FHIP2A: variants seen among roughly 807,000 people sequenced by gnomAD.
FHIP2A encodes family with sequence similarity 160 member B1.
A neutral mutation model predicts 93.5 loss-of-function variants in FHIP2A; 46 were observed. That is an observed-to-expected ratio of 0.49 (90% CI 0.39 to 0.63). The LOEUF (loss-of-function observed/expected upper bound fraction) is 0.63. FHIP2A is among the 20% of genes least tolerant of loss of function. The probability of loss-of-function intolerance (pLI) is 0.00; values close to 1 mark genes in which losing one functional copy is unlikely to be tolerated. For missense variants in FHIP2A, 769 were observed against 909.7 expected, an observed-to-expected ratio of 0.85 and a Z score of 1.99; for synonymous variants, 332 against 326.5, an observed-to-expected ratio of 1.02 and a Z score of -0.18.
In FHIP2A at chr10:114,850,270, C is replaced by T. The variant is rs7903573; in HGVS notation, c.1803+1533C>T. On this transcript the variant is annotated intron_variant, in intron 13 of 16. Transcript: ENST00000369248. ...TTCACCATTTCCTTGCCAATACTTA[C>T]CATTATTCTTTTTAAATTTTAGCTA... Among the ~76,000 whole-genome samples, 1,027 of 152,248 alleles carry T rather than the reference C, an allele frequency of 6.7e-3. 16 individuals carry two copies. Among genetic ancestry groups the T allele is most frequent in the African/African-American group, 0.024 (990 of 41,548 alleles).
chr10:114,843,713 A>G (rs758822060), intron 6 of FHIP2A, 28 bp from the exon 7 acceptor site: 1 of 1,473,714 alleles, frequency 6.8e-7, no homozygotes, highest in Admixed American at 2.6e-5. Flanking sequence ...CAATTCAAGA[A>G]TTGAAGGGGG....
chr10:114,894,174 T>C (rs2083989152), intron 16 of FHIP2A, among the ~76,000 whole-genome samples: 1 of 152,122 alleles, frequency 6.6e-6, no homozygotes, highest in Non-Finnish European at 1.5e-5. Flanking sequence ...GATAACAGGC[T>C]ATGACATTAA....
rs75444726 is a variant in FHIP2A at position 114,885,555 on chromosome 10, G to C, written c.2193-13935G>C. 6.7e-3 allele frequency among the ~76,000 whole-genome samples: 1,013 copies of C among 152,230 alleles called. 12 individuals are homozygous for C. Among genetic ancestry groups the C allele is most frequent in the African/African-American group, 0.023 (968 of 41,546 alleles). ...GTTTTTGGTGGTGTGCCAGGTTTTT[G>C]ACACTAAACATTTTTATGCCAACTT... is the stretch of plus-strand genomic sequence containing the variant. On this transcript the variant is annotated intron_variant, in intron 16 of 16. Transcript: ENST00000369250.
chr10:114,854,066 A>G (rs1488846951), intron 13 of FHIP2A, among the ~76,000 whole-genome samples: 1 of 151,934 alleles, frequency 6.6e-6, no homozygotes, highest in African/African-American at 2.4e-5. Flanking sequence ...CATTTTTATT[A>G]TATGAAATAA....
intron 14 of FHIP2A, among the ~76,000 whole-genome samples, chr10:114,858,985 C>CA (rs1346814509): frequency 6.6e-6 from 1 of 151,660 alleles, no homozygotes; most frequent in African/African-American, 2.4e-5. Flanking sequence ...ATGGACCCCC[C>CA]CCAAAATAGG....
chr10:114,887,365 C>T (rs1470590669), intron 16 of FHIP2A, among the ~76,000 whole-genome samples: 2 of 152,240 alleles, frequency 1.3e-5, no homozygotes, highest in South Asian at 2.1e-4. Flanking sequence ...AAGCTCCTTA[C>T]ATTTTTATGA....
At chr10:114,823,537 C>T (rs950384889) in intron 1 of FHIP2A, among the ~76,000 whole-genome samples, 20 of 151,912 alleles carry the variant, frequency 1.3e-4, no homozygotes, top group African/African-American at 4.8e-4. Flanking sequence ...TTCTGTCACC[C>T]AGGTTGGAGT....
At chr10:114,883,745 A>T (rs761078944) in intron 16 of FHIP2A, among the ~76,000 whole-genome samples, 1 of 151,948 alleles carries the variant, frequency 6.6e-6, no homozygotes, top group African/African-American at 2.4e-5. Context: ...CCCCTGGCTA[A>T]TTTTTTGTGT....
Position 114,848,721 on chromosome 10 carries a change from G to T in FHIP2A, c.1787G>T (p.Arg596Leu). Residue 596 changes from arginine (R) to leucine (L), a missense_variant, in exon 13 of 17, where the codon CGA (arginine) becomes CTA (leucine). Physicochemically the swap from Arg to Leu is moderately radical, Grantham distance 102 (BLOSUM62 -2). Transcript: ENST00000369248. ...VEGTGYDTYL[R>L]DAHRQFRDYC... ...GGCACAGGATATGACACTTACCTCCGAGACGCTCATAGGCAGGTAGGTGAA... is the reference window on the plus strand; with the variant it reads ...GGCACAGGATATGACACTTACCTCCTAGACGCTCATAGGCAGGTAGGTGAA... 6.2e-7 allele frequency: 1 copy of T among 1,611,664 alleles called. No homozygotes were observed. Among genetic ancestry groups the T allele is most frequent in the South Asian group, 1.1e-5 (1 of 90,958 alleles).
chr10:114,848,794 C>A, intron 13 of FHIP2A, 57 bp downstream of exon 13: 1 of 1,056,102 alleles, frequency 9.5e-7, no homozygotes, highest in Non-Finnish European at 1.5e-6. Flanking sequence ...CATGCACACC[C>A]CTTGTCACAC....
intron 1 of FHIP2A, among the ~76,000 whole-genome samples, chr10:114,823,969 C>G (rs2083558884): frequency 6.6e-6 from 1 of 152,072 alleles, no homozygotes; most frequent in Non-Finnish European, 1.5e-5. Context: ...CTGCAGAGTT[C>G]CAAAAAGCAA....
Position 114,862,883 on chromosome 10 carries a change from A to AC in FHIP2A, c.*1348dup. ...TTCCGGCTTGAAGGGAACTGTCACT[A>AC]CCCCCTCTAGGAAGTTATTTTATGT... is the stretch of plus-strand genomic sequence containing the variant. On this transcript the variant is annotated 3_prime_UTR_variant, in exon 17 of 17. Coordinates refer to ENST00000369248, the MANE Select transcript of FHIP2A (RefSeq NM_020940.4). The AC allele has an allele frequency of 1.0e-6, 1 of 985,036 alleles. No homozygotes were observed. Among genetic ancestry groups the AC allele is most frequent in the Non-Finnish European group, 1.2e-6 (1 of 829,854 alleles). The allele number at this position is 985,036 out of a possible 1,614,324, so 61.0% of individuals were successfully genotyped here.
chr10:114,892,643 A>G (rs1291094638), intron 16 of FHIP2A, among the ~76,000 whole-genome samples: 1 of 151,972 alleles, frequency 6.6e-6, no homozygotes, highest in African/African-American at 2.4e-5. Context: ...GTCTCAAAAT[A>G]ATAATAATAA....
chr10:114,897,820 G>T (rs1488929602), intron 16 of FHIP2A, among the ~76,000 whole-genome samples: 3 of 152,132 alleles, frequency 2.0e-5, no homozygotes, highest in African/African-American at 7.2e-5. Flanking sequence ...GAGGTGGGAG[G>T]ATTGATTGAG....
intron 13 of FHIP2A, 27 bp downstream of exon 13, chr10:114,848,764 A>T (rs1380149544): frequency 6.7e-7 from 1 of 1,483,400 alleles, no homozygotes; most frequent in Admixed American, 1.7e-5. Flanking sequence ...AATGTTGGAA[A>T]TGAAATCTAA....
In FHIP2A at chr10:114,863,648, G is replaced by A. The variant is rs973018823; in HGVS notation, c.*2108G>A. ...TCCCTTCTTTTTTCTTTTATATTTA[G>A]TTCAGACCTAGAGCCAGTAGAAGCT... On this transcript the variant is annotated 3_prime_UTR_variant, in exon 17 of 17. Coordinates refer to ENST00000369248, the MANE Select transcript of FHIP2A (RefSeq NM_020940.4). 1.5e-6 allele frequency: 2 copies of A among 1,295,000 alleles called. No individual in the cohort carries two copies. The highest frequency in any genetic ancestry group is 1.5e-5 in the African/African-American group (1 of 65,424). The allele number at this position is 1,295,000 out of a possible 1,614,324, so 80.2% of individuals were successfully genotyped here.
In FHIP2A at chr10:114,845,434, C is replaced by A. The variant is rs897451405; in HGVS notation, c.1081C>A (p.Leu361Ile). The A allele has an allele frequency of 3.7e-6, 6 of 1,613,396 alleles. No individual in the cohort carries two copies. Among genetic ancestry groups the A allele is most frequent in the African/African-American group, 1.3e-5 (1 of 74,914 alleles). ...FPGKRALISF[L>I]SWFDYCDQLI... ...AGGAAAACGAGCCTTAATTTCATTT[C>A]TTTCCTGGTTTGATTATTGTGATCA... Residue 361 changes from leucine (L) to isoleucine (I), a missense_variant, in exon 8 of 17, where the codon CTT becomes ATT. By Grantham distance (5) the Leu-to-Ile change is conservative (BLOSUM62 2). Coordinates refer to ENST00000369248, the MANE Select transcript of FHIP2A (RefSeq NM_020940.4).
At chr10:114,837,459 G>C (rs2083642636) in intron 5 of FHIP2A, among the ~76,000 whole-genome samples, 1 of 152,202 alleles carries the variant, frequency 6.6e-6, no homozygotes, top group African/African-American at 2.4e-5. Flanking sequence ...AGGTTGCAGT[G>C]AGCCAAGATT....
intron 13 of FHIP2A, among the ~76,000 whole-genome samples, chr10:114,852,511 C>T (rs1300021687): frequency 2.6e-5 from 4 of 152,178 alleles, no homozygotes; most frequent in African/African-American, 9.7e-5. Flanking sequence ...TTCTATTCTC[C>T]TTAGCCTCTA....
Sources: gnomAD v4.1 joint callset for allele counts (sites outside exome capture counted in the v4.1 genomes callset) on GRCh38, gnomAD v4.1.1 for gene constraint, MANE v1.5 for transcripts, NCBI Gene and HGNC (gene_info 2026-07-23, HGNC 2026-07-21) for gene names.